PACRG: variants seen among roughly 807,000 people sequenced by gnomAD.
PACRG encodes parkin coregulated gene protein.
A neutral mutation model predicts 29.7 loss-of-function variants in PACRG; 29 were observed. The ratio of observed to expected loss-of-function variants is 0.98; its 90% CI spans 0.73 to 1.33. The LOEUF (loss-of-function observed/expected upper bound fraction) is 1.33, where lower values mean the gene tolerates loss of function less well. Among genes scored for constraint, PACRG ranks in the 40% most tolerant of loss-of-function variants. PACRG has a pLI of 0.00. For synonymous variants in PACRG, 116 were observed against 118.7 expected (o/e 0.98, Z 0.15); for missense variants, 279 against 316.2 (o/e 0.88, Z 0.89).
chr6:163,091,295 A>G (rs1004672845), intron 4 of PACRG, among the ~76,000 whole-genome samples: 2 of 152,228 alleles, frequency 1.3e-5, no homozygotes, highest in Admixed American at 6.5e-5. Context: ...AAACAAAACA[A>G]TTGGTTTCTA....
chr6:163,219,688 A>C (rs144413623), intron 4 of PACRG, among the ~76,000 whole-genome samples: 5 of 136,176 alleles, frequency 3.7e-5, no homozygotes, highest in South Asian at 2.5e-4. Flanking sequence ...GCTCAGCCTG[A>C]ATTTCCCACC....
intron 2 of PACRG, among the ~76,000 whole-genome samples, chr6:162,901,698 T>C (rs1795570286): frequency 6.6e-6 from 1 of 152,210 alleles, no homozygotes; most frequent in Admixed American, 6.5e-5. Context: ...TGGAGAGTCA[T>C]GTAACAGGAA....
intron 4 of PACRG, among the ~76,000 whole-genome samples, chr6:163,237,556 A>G (rs1357233865): frequency 6.6e-6 from 1 of 152,230 alleles, no homozygotes; most frequent in African/African-American, 2.4e-5. Flanking sequence ...CAACGGTAAC[A>G]TTATTCAAAA....
In PACRG at chr6:162,793,028, A is replaced by G. The variant is rs142978043; in HGVS notation, c.157-21119A>G. On this transcript the variant is annotated intron_variant, in intron 1 of 4. Coordinates refer to ENST00000366888, the MANE Select transcript of PACRG (RefSeq NM_001080379.2). ...GCTCAGCTGGACCTTGAGTCCTGCA[A>G]TAGAGGGAGGGCAGTCCAAGGGCAG... Among the ~76,000 whole-genome samples, 108 of 152,246 alleles carry G rather than the reference A, an allele frequency of 7.1e-4. No homozygotes were observed. The East Asian group carries it at 0.011, about 16-fold the overall frequency.
intron 2 of PACRG, among the ~76,000 whole-genome samples, chr6:163,038,570 G>C (rs1277002554): frequency 6.6e-6 from 1 of 152,176 alleles, no homozygotes; most frequent in Non-Finnish European, 1.5e-5. Context: ...GGTCATTTGA[G>C]AACTGGCTCA....
intron 1 of PACRG, among the ~76,000 whole-genome samples, chr6:162,791,297 T>G (rs190568163): frequency 3.2e-4 from 41 of 128,160 alleles, no homozygotes; most frequent in Non-Finnish European, 4.9e-4. Context: ...CTCTGACTCC[T>G]AGTTTGTTTG....
chr6:163,089,395 T>C lies in PACRG; in HGVS notation c.600T>C (p.Phe200=). The change falls in exon 4 of 5, where the codon TTT becomes TTC. Residue 200 remains phenylalanine (F), a synonymous_variant. Transcript: ENST00000366888. ...YRQILPVLNI[F]KNMNVNSGDG... is the part of the protein sequence containing the mutation. Reference sequence around the variant, plus strand: ...AAATCCTCCCTGTCCTGAACATCTTTAAGAATATGAATGGTGAGTGAGCCC... The same window carrying C: ...AAATCCTCCCTGTCCTGAACATCTTCAAGAATATGAATGGTGAGTGAGCCC... 1 of 1,613,950 alleles carries C rather than the reference T, an allele frequency of 6.2e-7. No homozygotes were observed. Among genetic ancestry groups the C allele is most frequent in the South Asian group, 1.1e-5 (1 of 91,030 alleles).
intron 2 of PACRG, among the ~76,000 whole-genome samples, chr6:162,947,362 G>GATATATATATGATCATATATA (rs1562765827): frequency 1.8e-5 from 1 of 54,902 alleles, no homozygotes; most frequent in Non-Finnish European, 3.3e-5. Context: ...TATATATAAT[G>GATATATATATGATCATATATA]TAATCATATA....
chr6:163,007,320 A>C (rs1037598067), intron 2 of PACRG, among the ~76,000 whole-genome samples: 1 of 152,198 alleles, frequency 6.6e-6, no homozygotes, highest in African/African-American at 2.4e-5. Context: ...ACAATAAGAA[A>C]AAATTTTTCT....
chr6:163,286,584 A>C (rs1466446168), intron 4 of PACRG, among the ~76,000 whole-genome samples: 1 of 152,234 alleles, frequency 6.6e-6, no homozygotes, highest in Non-Finnish European at 1.5e-5. Context: ...CTGCCATAGA[A>C]AATGGCTTTG....
intron 4 of PACRG, among the ~76,000 whole-genome samples, chr6:163,259,904 AAGG>A (rs1783258308): frequency 6.6e-6 from 1 of 152,138 alleles, no homozygotes; most frequent in Non-Finnish European, 1.5e-5. Context: ...CTGATGGAGG[AAGG>A]AGAACAGGAT....
chr6:163,121,663 CTTTTT>C (rs771976364), intron 4 of PACRG, among the ~76,000 whole-genome samples: 2 of 126,222 alleles, frequency 1.6e-5, no homozygotes, highest in Admixed American at 8.2e-5. Flanking sequence ...TCTCGGTAAT[CTTTTT>C]TTTTTTTTTT....
chr6:163,075,197 A>G (rs1812434866), intron 3 of PACRG, among the ~76,000 whole-genome samples: 1 of 152,196 alleles, frequency 6.6e-6, no homozygotes, highest in Non-Finnish European at 1.5e-5. Context: ...GACACCTGAA[A>G]AATAGAAAAT....
At chr6:163,199,088 G>C (rs918967545) in intron 4 of PACRG, among the ~76,000 whole-genome samples, 3 of 152,172 alleles carry the variant, frequency 2.0e-5, no homozygotes, top group African/African-American at 7.2e-5. Flanking sequence ...AGGCAGGTTG[G>C]CCCTAAGCCG....
intron 2 of PACRG, among the ~76,000 whole-genome samples, chr6:163,015,386 A>G (rs980475638): frequency 2.0e-5 from 3 of 152,204 alleles, no homozygotes; most frequent in Non-Finnish European, 4.4e-5. Context: ...ATTCTGTGAA[A>G]AACGACATTT....
intron 4 of PACRG, among the ~76,000 whole-genome samples, chr6:163,171,165 G>C (rs778607889): frequency 5.3e-5 from 8 of 152,094 alleles, no homozygotes; most frequent in Non-Finnish European, 1.2e-4. Flanking sequence ...ATGACAAGTA[G>C]TATTAGTGAC....
intron 1 of PACRG, among the ~76,000 whole-genome samples, chr6:162,785,863 C>T (rs1424814806): frequency 6.6e-6 from 1 of 152,154 alleles, no homozygotes; most frequent in Admixed American, 6.5e-5. Flanking sequence ...GGACCCCTAC[C>T]ATGTAGGATA....
At chr6:163,154,691 A>G (rs1041202071) in intron 4 of PACRG, among the ~76,000 whole-genome samples, 1 of 152,366 alleles carries the variant, frequency 6.6e-6, no homozygotes, top group African/African-American at 2.4e-5. Context: ...ATTTTTTTAA[A>G]TATAAGTATG....
intron 4 of PACRG, among the ~76,000 whole-genome samples, chr6:163,270,874 T>C (rs1445090567): frequency 6.6e-6 from 1 of 152,096 alleles, no homozygotes; most frequent in African/African-American, 2.4e-5. Context: ...AACTTCTGAA[T>C]TGGTTGTATA....
Sources: gnomAD v4.1 joint callset for allele counts (sites outside exome capture counted in the v4.1 genomes callset) on GRCh38, gnomAD v4.1.1 for gene constraint, MANE v1.5 for transcripts, NCBI Gene and HGNC (gene_info 2026-07-23, HGNC 2026-07-21) for gene names.